ACLY: variants seen among roughly 807,000 people sequenced by gnomAD.
ACLY encodes ATP-citrate synthase.
ACLY carries 41 observed loss-of-function variants against 133.0 expected under a neutral mutation model. The observed-to-expected ratio is 0.31, with a 90% confidence interval of 0.24 to 0.40. The LOEUF (loss-of-function observed/expected upper bound fraction) is 0.40. Ranked by LOEUF, ACLY falls within the 10% of genes least tolerant of loss-of-function variation. The pLI, the probability that ACLY is intolerant of heterozygous loss-of-function variation, is 1.00. For synonymous variants in ACLY, 495 were observed against 549.3 expected (o/e 0.90, Z 1.38); for missense variants, 1,046 against 1,453.8 (o/e 0.72, Z 4.56).
intron 2 of ACLY, 84 bp downstream of exon 2, chr17:41,913,631 A>G: frequency 1.4e-6 from 2 of 1,450,818 alleles, no homozygotes; most frequent in Non-Finnish European, 9.4e-7. Context: ...CCATGACCCT[A>G]TCGGCATCAC....
At chr17:41,876,760 C>G (rs987803404) in intron 22 of ACLY, among the ~76,000 whole-genome samples, 6 of 152,148 alleles carry the variant, frequency 3.9e-5, no homozygotes, top group African/African-American at 1.2e-4. Context: ...CAAGTACCCA[C>G]GGACACAAAC....
intron 23 of ACLY, among the ~76,000 whole-genome samples, chr17:41,873,254 A>G (rs1350386980): frequency 6.8e-6 from 1 of 147,650 alleles, no homozygotes; most frequent in East Asian, 2.0e-4. Flanking sequence ...ATCTTGGCTC[A>G]CTGCAAACTC....
Position 41,918,928 on chromosome 17 carries a change from C to T in ACLY, c.-72G>A. Reference sequence around the variant, plus strand: ...GCTTCTTCCACAGGCCCGACGAACCCCGCAAAATCCGGAGCACCCCAGCAG... The same window carrying T: ...GCTTCTTCCACAGGCCCGACGAACCTCGCAAAATCCGGAGCACCCCAGCAG... On this transcript the variant is annotated 5_prime_UTR_variant, in exon 1 of 29. Coordinates refer to ENST00000352035, the MANE Select transcript of ACLY (RefSeq NM_001096.3). 7.8e-7 allele frequency: 1 copy of T among 1,289,304 alleles called. No homozygotes were observed. The highest frequency in any genetic ancestry group is 1.2e-5 in the South Asian group (1 of 80,880). 79.9% of individuals were successfully genotyped at this position (1,289,304 alleles called of 1,614,324 possible). A position where few individuals can be genotyped will look rare whatever the true frequency, so the allele number is the denominator to read the frequency against.
At chr17:41,890,941 G>A (rs2049193251) in intron 16 of ACLY, among the ~76,000 whole-genome samples, 1 of 151,334 alleles carries the variant, frequency 6.6e-6, no homozygotes, top group Non-Finnish European at 1.5e-5. Context: ...GGGAAGTGGA[G>A]GCTGTGTGAC....
chr17:41,869,950 C>T (rs1193110174), intron 25 of ACLY, among the ~76,000 whole-genome samples: 3 of 152,182 alleles, frequency 2.0e-5, no homozygotes, highest in Non-Finnish European at 2.9e-5. Flanking sequence ...TCCAGCCATG[C>T]CCCCGCCAGC....
upstream of ACLY, among the ~76,000 whole-genome samples, chr17:41,921,645 C>G (rs967249341): frequency 1.3e-5 from 2 of 151,732 alleles, no homozygotes; most frequent in Non-Finnish European, 2.9e-5. Flanking sequence ...CTTGGCAATA[C>G]AGTGAGTCTA....
chr17:41,905,382 G>A (rs1028905105), intron 9 of ACLY, 140 bp downstream of exon 9: 2 of 1,169,500 alleles, frequency 1.7e-6, no homozygotes, highest in African/African-American at 1.5e-5. Context: ...GAAACTGAGA[G>A]CCAAAGTTCA....
chr17:41,901,638 C>T (rs2049543640), intron 11 of ACLY, 58 bp downstream of exon 11: 1 of 1,447,320 alleles, frequency 6.9e-7, no homozygotes, highest in Non-Finnish European at 9.6e-7. Context: ...TCAGAAATCC[C>T]AAAGAGGAAG....
At position 41,913,837 on chromosome 17, in the gene ACLY, C is replaced by A. The variant is rs1555634079; in HGVS notation, c.37G>T (p.Glu13Ter). The A allele has an allele frequency of 6.2e-7, 1 of 1,614,260 alleles. No homozygotes were observed. The highest frequency in any genetic ancestry group is 1.1e-5 in the South Asian group (1 of 91,090). ...GTACAGATGAACTTGTAAAGGAGTTCTTTGCCCGTCTGCTCTGAAATTGCC... is the reference window on the plus strand; with the variant it reads ...GTACAGATGAACTTGTAAAGGAGTTATTTGCCCGTCTGCTCTGAAATTGCC... Reference protein sequence around the residue: ...AKAISEQTGKELLYKFICTTS... With the variant: ...AKAISEQTGK Residue 13 changes from glutamate to a stop codon, truncating the protein, a stop_gained, in exon 2 of 29, where the codon GAA (glutamate) becomes TAA (stop). Coordinates refer to ENST00000352035, the MANE Select transcript of ACLY (RefSeq NM_001096.3). LOFTEE classifies it high-confidence loss of function.
At chr17:41,920,040 G>T (rs1051200684), upstream of ACLY, among the ~76,000 whole-genome samples, 3 of 152,174 alleles carry the variant, frequency 2.0e-5, no homozygotes, top group Non-Finnish European at 4.4e-5. Flanking sequence ...AGGTGAAGAG[G>T]TCAGCCCAGA....
chr17:41,887,699 C>T lies in ACLY; in HGVS notation c.1775G>A (p.Arg592Gln), dbSNP rs147387411. 389 of 1,613,396 alleles carry T rather than the reference C, an allele frequency of 2.4e-4. 1 individual carries two copies. Among genetic ancestry groups the T allele is most frequent in the Non-Finnish European group, 3.2e-4 (374 of 1,179,516 alleles). Residue 592 changes from arginine to glutamine, a missense_variant, in exon 17 of 29, where the codon CGG (arginine) becomes CAG (glutamine). Coordinates refer to ENST00000352035, the MANE Select transcript of ACLY (RefSeq NM_001096.3). ...TMETMNYAQI[R>Q]TIAIIAEGIP... Reference sequence around the variant, plus strand: ...GCCTTCAGCTATGATGGCGATGGTCCGGATCTAGAGGATGACAAAAGTCCC... The same window carrying T: ...GCCTTCAGCTATGATGGCGATGGTCTGGATCTAGAGGATGACAAAAGTCCC...
At chr17:41,881,416 C>CAAAAAA (rs34173466) in intron 20 of ACLY, among the ~76,000 whole-genome samples, 1 of 41,592 alleles carries the variant, frequency 2.4e-5, no homozygotes, top group Non-Finnish European at 4.6e-5. Flanking sequence ...GACTCCGTCT[C>CAAAAAA]AAAAAAAAAA....
chr17:41,867,158 ATAT>A lies in ACLY; in HGVS notation c.*649_*651del, dbSNP rs1374315865. On this transcript the variant is annotated 3_prime_UTR_variant, in exon 29 of 29. Coordinates refer to ENST00000352035, the MANE Select transcript of ACLY (RefSeq NM_001096.3). ...AAATGTATGTATGTTACAACTTTAC[ATAT>A]TAAGTTACTACTCCACATATTTTGT... 1 of 152,674 alleles carries A rather than the reference ATAT, an allele frequency of 6.5e-6. No homozygotes were observed. Among genetic ancestry groups the A allele is most frequent in the Non-Finnish European group, 1.5e-5 (1 of 68,048 alleles). 9.5% of individuals were successfully genotyped at this position (152,674 alleles called of 1,614,324 possible).
At chr17:41,882,513 A>T (rs782154426) in intron 20 of ACLY, among the ~76,000 whole-genome samples, 2 of 151,790 alleles carry the variant, frequency 1.3e-5, no homozygotes, top group Non-Finnish European at 2.9e-5. Context: ...AAGGTGGTAA[A>T]GGGTTCTCTA....
At chr17:41,886,985 G>A (rs547787746) in intron 17 of ACLY, among the ~76,000 whole-genome samples, 5 of 151,354 alleles carry the variant, frequency 3.3e-5, no homozygotes, top group Admixed American at 1.3e-4. Context: ...TTAGCCAGGC[G>A]TGGTGGTTCA....
Position 41,910,115 on chromosome 17 carries a change from G to A in ACLY, c.345+107C>T, listed in dbSNP as rs113461167. 246 of 1,141,692 alleles carry A rather than the reference G, an allele frequency of 2.2e-4. 1 individual carries two copies. In the African/African-American group the frequency reaches 3.4e-3, roughly 16 times the overall value. 70.7% of individuals were successfully genotyped at this position (1,141,692 alleles called of 1,614,324 possible). The stretch of plus-strand genomic sequence containing the variant: ...CCTCAGTGCAGCTTCAGGGACCCTG[G>A]TCCCTCTGACTGTCCTCATCAGCTT... On this transcript the variant is annotated intron_variant, in intron 4 of 28. Coordinates refer to ENST00000352035, the MANE Select transcript of ACLY (RefSeq NM_001096.3).
At position 41,906,552 on chromosome 17, in the gene ACLY, C is replaced by T; in HGVS notation, c.842G>A (p.Gly281Glu). The stretch of plus-strand genomic sequence containing the variant: ...CCTGTACACGACAGAGGCGCCACCC[C>T]CGGCCACCATGGTCCAGATCCTCCC... Reference protein sequence around the residue: ...PKGRIWTMVAGGGASVVYSDT... With the variant: ...PKGRIWTMVAEGGASVVYSDT... The change falls in exon 8 of 29, where the codon GGG becomes GAG. Residue 281 changes from glycine to glutamate, a missense_variant. Gly to Glu is a moderately conservative substitution (Grantham distance 98). Coordinates refer to ENST00000352035, the MANE Select transcript of ACLY (RefSeq NM_001096.3). The T allele has an allele frequency of 6.2e-7, 1 of 1,614,196 alleles. No individual in the cohort carries two copies. The highest frequency in any genetic ancestry group is 8.5e-7 in the Non-Finnish European group (1 of 1,180,036).
In ACLY at chr17:41,905,627, C is replaced by T. The variant is rs1197917779; in HGVS notation, c.898G>A (p.Glu300Lys). The T allele has an allele frequency of 1.9e-6, 3 of 1,614,062 alleles. No individual in the cohort carries two copies. The highest frequency in any genetic ancestry group is 2.5e-6 in the Non-Finnish European group (3 of 1,180,040). Reference sequence around the variant, plus strand: ...GAGTACTCCCCATAGTTTGCCAGCTCGTTGACACCCCCTAGATCACAGATG... The same window carrying T: ...GAGTACTCCCCATAGTTTGCCAGCTTGTTGACACCCCCTAGATCACAGATG... ...DTICDLGGVNELANYGEYSGA... is the reference protein window; with the variant it reads ...DTICDLGGVNKLANYGEYSGA... Residue 300 changes from glutamate (E) to lysine (K), a missense_variant, in exon 9 of 29, where the codon GAG (glutamate) becomes AAG (lysine). Glu to Lys is a moderately conservative substitution (Grantham distance 56). Around this residue, in one of 4 missense-constraint regions of ACLY, gnomAD observed 575 missense variants for 804.2 expected, o/e 0.71. Coordinates refer to ENST00000352035, the MANE Select transcript of ACLY (RefSeq NM_001096.3).
chr17:41,896,244 C>T (rs568665026), intron 14 of ACLY, among the ~76,000 whole-genome samples: 1 of 152,264 alleles, frequency 6.6e-6, no homozygotes, highest in African/African-American at 2.4e-5. Context: ...CAGACGCCCA[C>T]GACTCTCTGC....
Sources: allele counts gnomAD v4.1 joint callset (sites outside exome capture counted in the v4.1 genomes callset), GRCh38; gene constraint gnomAD v4.1.1; regional missense constraint gnomAD v4.1.1; transcripts MANE v1.5; gene names NCBI Gene and HGNC (gene_info 2026-07-23, HGNC 2026-07-21).